Variants in ANGPTL2 observed in about 807,000 individuals in gnomAD.
The protein encoded by ANGPTL2 is angiopoietin like 2, also known as angiopoietin-related protein 2.
In ANGPTL2, 25 loss-of-function variants were observed where a neutral mutation model predicts 52.8. That is an observed-to-expected ratio of 0.47 (90% CI 0.35 to 0.66). ANGPTL2 has a LOEUF of 0.66. Among genes scored for constraint, ANGPTL2 ranks in the 30% least tolerant of loss-of-function variants. The pLI is 0.01. For synonymous variants in ANGPTL2, 276 were observed against 277.4 expected, an observed-to-expected ratio of 1.00 and a Z score of 0.05; for missense variants, 546 against 656.9, an observed-to-expected ratio of 0.83 and a Z score of 1.84.
chr9:127,110,905 C>A (rs2054742804), intron 1 of ANGPTL2, among the ~76,000 whole-genome samples: 1 of 152,184 alleles, frequency 6.6e-6, no homozygotes, highest in Non-Finnish European at 1.5e-5. Context: ...CTCCCTGCCC[C>A]AGCCTTGCCC....
intron 3 of ANGPTL2, among the ~76,000 whole-genome samples, chr9:127,092,569 G>A (rs998772933): frequency 1.3e-5 from 2 of 152,036 alleles, no homozygotes; most frequent in African/African-American, 4.8e-5. Flanking sequence ...TGATGTGCTG[G>A]CACTGTTTTA....
At chr9:127,096,191 A>G (rs2053114802) in intron 2 of ANGPTL2, among the ~76,000 whole-genome samples, 1 of 151,984 alleles carries the variant, frequency 6.6e-6, no homozygotes, top group Admixed American at 6.6e-5. Flanking sequence ...GGGAGGCTAG[A>G]CCTCCAGAAA....
At chr9:127,101,890 T>G (rs1336195300) in intron 2 of ANGPTL2, among the ~76,000 whole-genome samples, 2 of 152,208 alleles carry the variant, frequency 1.3e-5, no homozygotes, top group Admixed American at 6.5e-5. Flanking sequence ...TTCAAAAATA[T>G]CAGGGAAAAG....
intron 2 of ANGPTL2, among the ~76,000 whole-genome samples, chr9:127,106,015 T>G (rs563727551): frequency 2.0e-5 from 3 of 152,214 alleles, no homozygotes; most frequent in Non-Finnish European, 4.4e-5. Context: ...TCAGAAGAGT[T>G]AAATAACTAT....
At chr9:127,120,338 T>C (rs536363428) in intron 1 of ANGPTL2, among the ~76,000 whole-genome samples, 2 of 152,320 alleles carry the variant, frequency 1.3e-5, no homozygotes, top group South Asian at 4.1e-4. Flanking sequence ...TCTGCACTTT[T>C]TCTTAGTATG....
intron 2 of ANGPTL2, among the ~76,000 whole-genome samples, chr9:127,095,874 C>G (rs368111736): frequency 1.4e-4 from 21 of 152,338 alleles, no homozygotes; most frequent in South Asian, 1.0e-3. Context: ...CATTCATCCA[C>G]CTAGAACCTG....
rs1195724614 is a variant in ANGPTL2, at chr9:127,091,701, G to A, written c.1251C>T (p.Thr417=). 2 of 1,613,848 alleles carry A rather than the reference G, an allele frequency of 1.2e-6. No individual in the cohort carries two copies. Among genetic ancestry groups the A allele is most frequent in the African/African-American group, 2.7e-5 (2 of 74,886 alleles). Residue 417 remains threonine, a synonymous_variant, in exon 4 of 5, where the codon ACC becomes ACT. Coordinates refer to ENST00000373425, the MANE Select transcript of ANGPTL2 (RefSeq NM_012098.3). The surrounding 1 kb of genome is among the most constrained non-coding windows in gnomAD (Gnocchi z 4.3). Reference sequence around the variant, plus strand: ...AGACATCATGATCTCTGTCCAGGGTGGTGAACTGCTTGCCGTTGTGCCATG... The same window carrying A: ...AGACATCATGATCTCTGTCCAGGGTAGTGAACTGCTTGCCGTTGTGCCATG... ...SFTWHNGKQF[T]TLDRDHDVYT...
chr9:127,120,721 G>A (rs1413463362), intron 1 of ANGPTL2, among the ~76,000 whole-genome samples: 7 of 152,074 alleles, frequency 4.6e-5, no homozygotes, highest in Admixed American at 2.0e-4. Context: ...CCAGCTACTC[G>A]GGAGGCTGAG....
At chr9:127,101,789 T>A (rs752868338) in intron 2 of ANGPTL2, among the ~76,000 whole-genome samples, 3 of 152,190 alleles carry the variant, frequency 2.0e-5, no homozygotes, top group Admixed American at 6.5e-5. Context: ...GATACTTAAT[T>A]TCAACATTTA....
intron 1 of ANGPTL2, among the ~76,000 whole-genome samples, chr9:127,115,137 C>G (rs143545712): frequency 6.6e-6 from 1 of 152,242 alleles, no homozygotes; most frequent in Non-Finnish European, 1.5e-5. Flanking sequence ...AGTAGGGGAC[C>G]ATACATCCTG....
intron 2 of ANGPTL2, among the ~76,000 whole-genome samples, chr9:127,104,981 G>T (rs1464953378): frequency 6.6e-6 from 1 of 152,146 alleles, no homozygotes; most frequent in Non-Finnish European, 1.5e-5. Context: ...TGGATGCCCT[G>T]ACTGTTCCGT....
intron 2 of ANGPTL2, among the ~76,000 whole-genome samples, chr9:127,097,421 C>T (rs531856562): frequency 6.6e-6 from 1 of 152,360 alleles, no homozygotes; most frequent in South Asian, 2.1e-4. Context: ...AATCAGGCCC[C>T]ATTAGCTTCC....
chr9:127,091,499 C>A lies in ANGPTL2; in HGVS notation c.1282+171G>T, dbSNP rs1213946187. 2.0e-5 allele frequency among the ~76,000 whole-genome samples: 3 copies of A among 152,124 alleles called. No homozygotes were observed. The highest frequency in any genetic ancestry group is 7.2e-5 in the African/African-American group (3 of 41,490). ...CTGTGACCCAGCTTTGTGAAGGGGA[C>A]CTGTGGGCAGGAGAAGGGACCCTCA... On this transcript the variant is annotated intron_variant, in intron 4 of 4. Coordinates refer to ENST00000373425, the MANE Select transcript of ANGPTL2 (RefSeq NM_012098.3). The surrounding 1 kb of genome is among the most constrained non-coding windows in gnomAD (Gnocchi z 4.3).
intron 2 of ANGPTL2, among the ~76,000 whole-genome samples, chr9:127,105,667 T>C (rs1026106307): frequency 6.6e-6 from 1 of 152,194 alleles, no homozygotes; most frequent in Admixed American, 6.5e-5. Context: ...GCATTCCTGA[T>C]TTTAGAAATT....
chr9:127,117,110 C>A (rs1284823292), intron 1 of ANGPTL2, among the ~76,000 whole-genome samples: 1 of 152,364 alleles, frequency 6.6e-6, no homozygotes, highest in Non-Finnish European at 1.5e-5. Flanking sequence ...ATGTGCTGTG[C>A]TTCCTGCCTC....
chr9:127,090,011 G>A (rs1467275506), intron 4 of ANGPTL2, among the ~76,000 whole-genome samples: 2 of 152,226 alleles, frequency 1.3e-5, no homozygotes, highest in Non-Finnish European at 1.5e-5. Flanking sequence ...GGGATGAGGT[G>A]AGGAGGTCGC....
At chr9:127,112,474 G>A (rs1564603831) in intron 1 of ANGPTL2, among the ~76,000 whole-genome samples, 1 of 152,240 alleles carries the variant, frequency 6.6e-6, no homozygotes, top group Admixed American at 6.5e-5. Context: ...ACTGCCAGAG[G>A]CCCAGGAGGC....
intron 3 of ANGPTL2, among the ~76,000 whole-genome samples, 180 bp from the exon 4 acceptor site, chr9:127,092,120 A>C (rs529854761): frequency 6.6e-6 from 1 of 152,264 alleles, no homozygotes; most frequent in Non-Finnish European, 1.5e-5. Flanking sequence ...ATTATTCAAA[A>C]ATATGTAGAG....
chr9:127,121,176 C>G (rs1408424205), intron 1 of ANGPTL2, among the ~76,000 whole-genome samples: 2 of 152,320 alleles, frequency 1.3e-5, no homozygotes, highest in South Asian at 4.1e-4. Flanking sequence ...CAAGTTGAGT[C>G]TGGCATAGAG....
Sources: gnomAD v4.1 joint callset for allele counts (sites outside exome capture counted in the v4.1 genomes callset) on GRCh38, gnomAD v4.1.1 for gene constraint, Gnocchi (gnomAD v3.1) non-coding constraint, MANE v1.5 for transcripts, NCBI Gene and HGNC (gene_info 2026-07-23, HGNC 2026-07-21) for gene names.